Variants in SAMD12 observed in about 807,000 individuals in gnomAD.
SAMD12 encodes the protein sterile alpha motif domain-containing protein 12.
Under a neutral mutation model 15.0 loss-of-function variants are expected in SAMD12, and 9 were observed. The observed-to-expected ratio is 0.60, with a 90% CI of 0.36 to 1.05. The LOEUF (loss-of-function observed/expected upper bound fraction) is 1.05, where lower values mean the gene tolerates loss of function less well. SAMD12 is among the 50% of genes least tolerant of loss of function. The pLI is 0.01. For missense variants in SAMD12, 230 were observed against 234.2 expected, an observed-to-expected ratio of 0.98 and a Z score of 0.12; for synonymous variants, 86 against 90.1, an observed-to-expected ratio of 0.96 and a Z score of 0.25.
chr8:118,152,701 G>A, the SAMD12 span, among the ~76,000 whole-genome samples: 1 of 152,088 alleles, frequency 6.6e-6, no homozygotes, highest in Admixed American at 6.6e-5. Context: ...ATTTCACCAT[G>A]TCGCTCAGGC....
intron 4 of SAMD12, among the ~76,000 whole-genome samples, chr8:118,294,861 A>G (rs907632112): frequency 1.3e-5 from 2 of 152,124 alleles, no homozygotes; most frequent in African/African-American, 4.8e-5. Flanking sequence ...AATTTTTACA[A>G]GTGATTAGGC....
chr8:118,210,939 C>T (rs974389872), intron 4 of SAMD12, among the ~76,000 whole-genome samples: 2 of 152,166 alleles, frequency 1.3e-5, no homozygotes, highest in South Asian at 2.1e-4. Flanking sequence ...CTGTCCTAGG[C>T]ACTGTGCTAA....
At chr8:118,366,874 AATAAAATAATAAAAT>A (rs1372615936) in intron 4 of SAMD12, among the ~76,000 whole-genome samples, 3 of 121,352 alleles carry the variant, frequency 2.5e-5, no homozygotes, top group Non-Finnish European at 5.1e-5. Context: ...AATAAAATAA[AATAAAATAATAAAAT>A]AAAATAAAAT....
chr8:118,223,291 A>T (rs907985513), intron 4 of SAMD12, among the ~76,000 whole-genome samples: 1 of 152,090 alleles, frequency 6.6e-6, no homozygotes, highest in African/African-American at 2.4e-5. Flanking sequence ...TTCATCCAAG[A>T]CTTCTCTCCT....
chr8:118,485,508 TA>T (rs1428569365), intron 2 of SAMD12, among the ~76,000 whole-genome samples: 1 of 152,222 alleles, frequency 6.6e-6, no homozygotes, highest in African/African-American at 2.4e-5. Flanking sequence ...TCTTTCCTCT[TA>T]ATCCTTGTTC....
chr8:118,605,226 A>G (rs1827957684), intron 1 of SAMD12, among the ~76,000 whole-genome samples: 1 of 152,248 alleles, frequency 6.6e-6, no homozygotes, highest in Non-Finnish European at 1.5e-5. Flanking sequence ...AAACTTGGAC[A>G]GTAATTTGTT....
Position 118,486,425 on chromosome 8 carries a change from A to AAAG in SAMD12, c.193-46465_193-46464insCTT, listed in dbSNP as rs1554672803. On this transcript the variant is annotated intron_variant, in intron 2 of 3. Coordinates refer to ENST00000314727, the MANE Select transcript of SAMD12 (RefSeq NM_207506.3). The stretch of plus-strand genomic sequence containing the variant: ...AGAGAGAATCCGTCTAAAAAAAAAA[A>AAAG]AGAGAGAGAGAGTAGCAAAAGATGG... Among the ~76,000 whole-genome samples the AAAG allele has an allele frequency of 4.6e-4, 68 of 149,380 alleles. 1 individual carries two copies. Among genetic ancestry groups the AAAG allele is most frequent in the African/African-American group, 5.2e-4 (21 of 40,636 alleles).
chr8:118,378,532 T>C lies in SAMD12; in HGVS notation c.*885A>G, dbSNP rs142540257. ...GAATAGTCATCTTTCAGGGAGCACA[T>C]TATTTCCTCTAGGCAAATGGACTAT... On this transcript the variant is annotated 3_prime_UTR_variant, in exon 4 of 4. Coordinates refer to ENST00000314727, the MANE Select transcript of SAMD12 (RefSeq NM_207506.3). 168 of 984,830 alleles carry C rather than the reference T, an allele frequency of 1.7e-4. No individual in the cohort carries two copies. The highest frequency in any genetic ancestry group is 1.9e-4 in the Non-Finnish European group (158 of 829,418). 61.0% of individuals were successfully genotyped at this position (984,830 alleles called of 1,614,324 possible). A position where few individuals can be genotyped will look rare whatever the true frequency, so the allele number is the denominator to read the frequency against.
chr8:118,489,980 A>G (rs948018093), intron 2 of SAMD12, among the ~76,000 whole-genome samples: 1 of 152,188 alleles, frequency 6.6e-6, no homozygotes, highest in Non-Finnish European at 1.5e-5. Context: ...TCAGATTAAT[A>G]TGAGGGAGGA....
At chr8:118,285,135 T>C (rs937515711) in intron 4 of SAMD12, among the ~76,000 whole-genome samples, 21 of 151,832 alleles carry the variant, frequency 1.4e-4, no homozygotes, top group Non-Finnish European at 2.6e-4. Flanking sequence ...TTGGCCACGT[T>C]TTCTTTCTTT....
rs1360196294 is a variant in SAMD12 at position 118,580,911 on chromosome 8, A to G, written c.14-18T>C. The stretch of plus-strand genomic sequence containing the variant: ...GTGGAGAGCTAGGAAAAAGCAACAA[A>G]TAGAACTCAGAAAACAAACCACATA... On this transcript the variant is annotated intron_variant, in intron 1 of 3. Coordinates refer to ENST00000314727, the MANE Select transcript of SAMD12 (RefSeq NM_207506.3). The G allele has an allele frequency of 6.3e-7, 1 of 1,589,416 alleles. No individual in the cohort carries two copies. The highest frequency in any genetic ancestry group is 2.3e-5 in the East Asian group (1 of 44,412).
intron 2 of SAMD12, among the ~76,000 whole-genome samples, chr8:118,448,732 C>A (rs1447429928): frequency 6.6e-6 from 1 of 152,162 alleles, no homozygotes; most frequent in African/African-American, 2.4e-5. Context: ...TTTCAACTGA[C>A]ACAGAGAGTG....
At chr8:118,439,516 T>C (rs916229202) in intron 3 of SAMD12, among the ~76,000 whole-genome samples, 1 of 152,302 alleles carries the variant, frequency 6.6e-6, no homozygotes. Flanking sequence ...TGTAGCCAAG[T>C]TCATGTGAAA....
rs543734480 is a variant in SAMD12 at position 118,378,735 on chromosome 8, TAA to T, written c.*680_*681del. ...ACAATGGACGCTAAAATAAAACAAATAAAGTTTATAGCCAATGAAGGTTGATA... is the reference window on the plus strand; with the variant it reads ...ACAATGGACGCTAAAATAAAACAAATAGTTTATAGCCAATGAAGGTTGATA... On this transcript the variant is annotated 3_prime_UTR_variant, in exon 4 of 4. Transcript: ENST00000314727. The T allele has an allele frequency of 2.4e-4, 230 of 951,222 alleles. No homozygotes were observed. The African/African-American group carries it at 3.8e-3, about 16-fold the overall frequency. The allele number at this position is 951,222 out of a possible 1,614,324, so 58.9% of individuals were successfully genotyped here. A position where few individuals can be genotyped will look rare whatever the true frequency, so the allele number is the denominator to read the frequency against.
At chr8:118,535,575 T>C (rs1825816437) in intron 2 of SAMD12, among the ~76,000 whole-genome samples, 1 of 152,228 alleles carries the variant, frequency 6.6e-6, no homozygotes, top group Non-Finnish European at 1.5e-5. Context: ...GCAGACCTCC[T>C]TGAGCTGTGG....
chr8:118,151,289 T>C, the SAMD12 span, among the ~76,000 whole-genome samples: 4 of 152,302 alleles, frequency 2.6e-5, no homozygotes, highest in African/African-American at 9.6e-5. Flanking sequence ...GTGAGTTTTA[T>C]TGAGCTTCTT....
At chr8:118,152,779 G>T in the SAMD12 span, among the ~76,000 whole-genome samples, 1 of 152,160 alleles carries the variant, frequency 6.6e-6, no homozygotes, top group Admixed American at 6.5e-5. Context: ...GATTACAAGC[G>T]TGAGCCACTG....
chr8:118,565,243 T>C (rs138335369), intron 2 of SAMD12, among the ~76,000 whole-genome samples: 4 of 152,298 alleles, frequency 2.6e-5, no homozygotes, highest in Admixed American at 1.3e-4. Flanking sequence ...ATTGGACTCC[T>C]TTTACTAGAT....
chr8:118,313,180 A>G (rs1815715433), intron 4 of SAMD12, among the ~76,000 whole-genome samples: 1 of 152,204 alleles, frequency 6.6e-6, no homozygotes, highest in African/African-American at 2.4e-5. Flanking sequence ...TTTCTCTTCT[A>G]AACACTCACA....
Sources: gnomAD v4.1 joint callset for allele counts (sites outside exome capture counted in the v4.1 genomes callset) on GRCh38, gnomAD v4.1.1 for gene constraint, MANE v1.5 for transcripts, NCBI Gene and HGNC (gene_info 2026-07-23, HGNC 2026-07-21) for gene names.